The following COBL variants were observed in gnomAD, a reference collection of about 807,000 sequenced individuals.
The protein encoded by COBL is protein cordon-bleu.
Under a neutral mutation model 98.8 loss-of-function variants are expected in COBL, and 51 were observed. The ratio of observed to expected loss-of-function variants is 0.52; its 90% CI spans 0.41 to 0.65. The LOEUF (loss-of-function observed/expected upper bound fraction) is 0.65, where lower values mean the gene tolerates loss of function less well. COBL is among the 30% of genes least tolerant of loss of function. COBL has a pLI of 0.00. For synonymous variants in COBL, 634 were observed against 651.7 expected (o/e 0.97, Z 0.41); for missense variants, 1,617 against 1,617.5 (o/e 1.00, Z 0.01).
At chr7:51,267,050 C>CA (rs958594376) in intron 1 of COBL, among the ~76,000 whole-genome samples, 62 of 152,272 alleles carry the variant, frequency 4.1e-4, no homozygotes, top group African/African-American at 1.5e-3. Flanking sequence ...GATACCCTCT[C>CA]AATTTTTAGA....
chr7:51,267,712 T>G (rs928663773), intron 1 of COBL, among the ~76,000 whole-genome samples: 1 of 152,070 alleles, frequency 6.6e-6, no homozygotes, highest in Admixed American at 6.6e-5. Context: ...AAGCTGGGAT[T>G]ACAGGCACCT....
In COBL at chr7:51,028,470, T is replaced by C; in HGVS notation, c.2626A>G (p.Ile876Val). ...TCAGCATGGACTTTTGGGGCTCCTA[T>C]GCGCTTGGCAATGGCAGAGGCCACA... ...QYVASAIAKR[I>V]GAPKVHADVV... The change falls in exon 10 of 13, where the codon ATA becomes GTA. Residue 876 changes from isoleucine to valine, a missense_variant. Physicochemically the swap from Ile to Val is conservative, Grantham distance 29 (BLOSUM62 3). Around this residue, in one of 3 missense-constraint regions of COBL, gnomAD observed 1,304 missense variants for 1,282.0 expected, o/e 1.02. Transcript: ENST00000265136. 1 of 1,614,286 alleles carries C rather than the reference T, an allele frequency of 6.2e-7. No individual in the cohort carries two copies. Among genetic ancestry groups the C allele is most frequent in the Non-Finnish European group, 8.5e-7 (1 of 1,180,054 alleles).
chr7:51,184,409 CT>C (rs901819404), intron 4 of COBL, among the ~76,000 whole-genome samples: 7 of 152,202 alleles, frequency 4.6e-5, no homozygotes, highest in African/African-American at 1.7e-4. Flanking sequence ...CTTACACAGT[CT>C]TTTAGGAATG....
chr7:51,040,040 A>G lies in COBL; in HGVS notation c.1406+3343T>C, dbSNP rs539826564. Among the ~76,000 whole-genome samples, 165 of 152,268 alleles carry G rather than the reference A, an allele frequency of 1.1e-3. 1 individual carries two copies. Among genetic ancestry groups the G allele is most frequent in the African/African-American group, 3.7e-3 (155 of 41,538 alleles). ...CGCCTAACCCCTGCCTTACCCCTAA[A>G]GCATCCATATTTGCAACCCCTGCAT... is the stretch of plus-strand genomic sequence containing the variant. On this transcript the variant is annotated intron_variant, in intron 8 of 12. Transcript: ENST00000265136.
intron 1 of COBL, among the ~76,000 whole-genome samples, chr7:51,312,284 T>C (rs1259328135): frequency 1.3e-5 from 2 of 151,998 alleles, no homozygotes; most frequent in Non-Finnish European, 1.5e-5. Context: ...TGAGCTGAGA[T>C]CGCACCATTG....
chr7:51,240,028 C>A (rs1048455679), intron 1 of COBL, among the ~76,000 whole-genome samples: 6 of 152,184 alleles, frequency 3.9e-5, no homozygotes, highest in African/African-American at 1.2e-4. Context: ...AATTTTGAAT[C>A]TCATATAATT....
At chr7:51,217,623 G>A (rs180856030) in intron 2 of COBL, among the ~76,000 whole-genome samples, 12 of 151,820 alleles carry the variant, frequency 7.9e-5, no homozygotes, top group African/African-American at 2.2e-4. Flanking sequence ...GATTACAGGC[G>A]TGAGCCACCA....
chr7:51,023,717 G>A (rs1374890405), intron 12 of COBL, among the ~76,000 whole-genome samples: 1 of 152,130 alleles, frequency 6.6e-6, no homozygotes, highest in African/African-American at 2.4e-5. Flanking sequence ...GCTTCTGAGT[G>A]GGAGATCTGG....
At chr7:51,243,307 C>T (rs1795974998) in intron 1 of COBL, among the ~76,000 whole-genome samples, 1 of 152,156 alleles carries the variant, frequency 6.6e-6, no homozygotes, top group Non-Finnish European at 1.5e-5. Context: ...ACTTCCTGTC[C>T]CCCTTATGTG....
intron 5 of COBL, among the ~76,000 whole-genome samples, chr7:51,164,256 C>A (rs1008891268): frequency 5.9e-5 from 9 of 151,958 alleles, no homozygotes; most frequent in African/African-American, 1.9e-4. Context: ...GAGAAAGTTA[C>A]CGATATCCAA....
intron 1 of COBL, among the ~76,000 whole-genome samples, chr7:51,260,352 T>C (rs1166565277): frequency 1.3e-5 from 2 of 152,224 alleles, no homozygotes; most frequent in Non-Finnish European, 2.9e-5. Context: ...GGGAGAAAGA[T>C]CACATGATTT....
chr7:51,181,019 G>A (rs1416449149), intron 5 of COBL, among the ~76,000 whole-genome samples: 1 of 152,154 alleles, frequency 6.6e-6, no homozygotes, highest in African/African-American at 2.4e-5. Flanking sequence ...ATAAATTTCT[G>A]ACGTGACTGA....
rs368613191 is a variant in COBL at position 51,219,865 on chromosome 7, G to T, written c.121C>A (p.His41Asn). 45 of 1,613,548 alleles carry T rather than the reference G, an allele frequency of 2.8e-5. No individual in the cohort carries two copies. The highest frequency in any genetic ancestry group is 1.1e-4 in the South Asian group (10 of 91,048). ...TGCTGCGACCCGAGGGCCCCATCGT[G>T]GGGGGGCTTCTGGTCACTGTGCACA... ...LHVHSDQKPP[H>N]DGALGSQQNL... Residue 41 changes from histidine to asparagine, a missense_variant, in exon 2 of 13, where the codon CAC becomes AAC. His to Asn is a moderately conservative substitution (Grantham distance 68). Around this residue, in one of 3 missense-constraint regions of COBL, gnomAD observed 238 missense variants for 215.0 expected, o/e 1.11. Transcript: ENST00000265136.
chr7:51,276,229 T>A (rs1283848898), intron 1 of COBL, among the ~76,000 whole-genome samples: 1 of 152,164 alleles, frequency 6.6e-6, no homozygotes, highest in Non-Finnish European at 1.5e-5. Context: ...TCTCAGACAT[T>A]TCTTAATCCA....
At chr7:51,197,122 G>A (rs1473387991) in intron 2 of COBL, among the ~76,000 whole-genome samples, 1 of 152,060 alleles carries the variant, frequency 6.6e-6, no homozygotes, top group African/African-American at 2.4e-5. Context: ...GTGTTAGGTT[G>A]TTAAACTGAG....
chr7:51,046,850 C>A (rs1789756450), intron 7 of COBL, among the ~76,000 whole-genome samples: 1 of 152,140 alleles, frequency 6.6e-6, no homozygotes, highest in Admixed American at 6.5e-5. Context: ...GAATTGAAAG[C>A]CCAAATTGCA....
chr7:51,182,969 C>T (rs529357476), intron 5 of COBL, among the ~76,000 whole-genome samples: 1 of 152,296 alleles, frequency 6.6e-6, no homozygotes, highest in East Asian at 1.9e-4. Context: ...CCTCCCTTCC[C>T]AAACACCACA....
chr7:51,241,327 T>C (rs1795771974), intron 1 of COBL, among the ~76,000 whole-genome samples: 1 of 152,220 alleles, frequency 6.6e-6, no homozygotes, highest in Non-Finnish European at 1.5e-5. Context: ...ACACACTATT[T>C]TGCATGTTAT....
intron 5 of COBL, among the ~76,000 whole-genome samples, chr7:51,170,536 T>A (rs1298369953): frequency 6.8e-6 from 1 of 147,180 alleles, no homozygotes; most frequent in Non-Finnish European, 1.5e-5. Flanking sequence ...TATATAAATA[T>A]ATATCACATA....
Sources: allele counts gnomAD v4.1 joint callset (sites outside exome capture counted in the v4.1 genomes callset), GRCh38; gene constraint gnomAD v4.1.1; regional missense constraint gnomAD v4.1.1; transcripts MANE v1.5; gene names NCBI Gene and HGNC (gene_info 2026-07-23, HGNC 2026-07-21).